HECTD4: variants seen among roughly 807,000 people sequenced by gnomAD.
HECTD4 encodes the protein HECT domain E3 ubiquitin protein ligase 4.
HECTD4 carries 114 observed loss-of-function variants against 471.5 expected under a neutral mutation model. The observed-to-expected ratio is 0.24, with a 90% CI of 0.21 to 0.28. HECTD4 has a LOEUF of 0.28. Among genes scored for constraint, HECTD4 ranks in the 10% least tolerant of loss-of-function variants. The pLI, the probability that HECTD4 is intolerant of heterozygous loss-of-function variation, is 1.00. For synonymous variants in HECTD4, 2,012 were observed against 2,256.0 expected (o/e 0.89, Z 3.07); for missense variants, 3,866 against 5,651.5 (o/e 0.68, Z 10.13).
chr12:112,207,783 T>C (rs1369505115), intron 52 of HECTD4, 91 bp downstream of exon 52: 4 of 1,428,608 alleles, frequency 2.8e-6, no homozygotes, highest in Non-Finnish European at 3.8e-6. Context: ...CAACATTAGA[T>C]GAGTCTCTCC....
chr12:112,362,546 C>T (rs1346189272), intron 1 of HECTD4, among the ~76,000 whole-genome samples: 2 of 152,172 alleles, frequency 1.3e-5, no homozygotes, highest in East Asian at 3.9e-4. Context: ...GAGGAATCTG[C>T]CTACGCATCA....
chr12:112,255,990 G>C (rs1442983516), intron 21 of HECTD4, among the ~76,000 whole-genome samples: 2 of 152,130 alleles, frequency 1.3e-5, no homozygotes, highest in African/African-American at 4.8e-5. Context: ...ACACATCTGG[G>C]GTAACTTCAA....
chr12:112,190,719 C>G (rs2032048324), intron 60 of HECTD4, 67 bp downstream of exon 60: 2 of 1,457,220 alleles, frequency 1.4e-6, no homozygotes, highest in Non-Finnish European at 1.8e-6. Flanking sequence ...TGGCAAGCTC[C>G]TTCCTCAGGC....
At position 112,310,671 on chromosome 12, in the gene HECTD4, C is replaced by G. The variant is rs1485179166; in HGVS notation, c.917-1002G>C. ...GTCTACTAATCTGAGACAACTGGGA[C>G]CTGTACCTATTGGTTCCTCAATGAA... On this transcript the variant is annotated intron_variant, in intron 4 of 75. Transcript: ENST00000682272. 2.6e-5 allele frequency among the ~76,000 whole-genome samples: 4 copies of G among 152,160 alleles called. 1 individual carries two copies. Among genetic ancestry groups the G allele is most frequent in the East Asian group, 3.8e-4 (2 of 5,202 alleles).
At chr12:112,334,200 C>G (rs1427205514) in intron 1 of HECTD4, among the ~76,000 whole-genome samples, 1 of 147,286 alleles carries the variant, frequency 6.8e-6, no homozygotes, top group African/African-American at 2.5e-5. Flanking sequence ...CAGAGCCAGA[C>G]TCCCTCTTAA....
At position 112,184,618 on chromosome 12, in the gene HECTD4, C is replaced by T. The variant is rs1394363955; in HGVS notation, c.10348G>A (p.Gly3450Ser). The T allele has an allele frequency of 1.2e-6, 2 of 1,613,792 alleles. No individual in the cohort carries two copies. Among genetic ancestry groups the T allele is most frequent in the African/African-American group, 1.3e-5 (1 of 74,920 alleles). ...TCGGGCTCAACTTTCCCGTCCCCGCCCTCGGCCTTGTCTTTTGGCTTCTTG... is the reference window on the plus strand; with the variant it reads ...TCGGGCTCAACTTTCCCGTCCCCGCTCTCGGCCTTGTCTTTTGGCTTCTTG... Reference protein sequence around the residue: ...DTKKPKDKAEGGDGKVEPEKT... With the variant: ...DTKKPKDKAESGDGKVEPEKT... Residue 3450 changes from glycine to serine, a missense_variant, in exon 61 of 76, where the codon GGC (glycine) becomes AGC (serine). Around this residue, in one of 16 missense-constraint regions of HECTD4, gnomAD observed 192 missense variants for 189.9 expected, o/e 1.01. Transcript: ENST00000682272. The surrounding 1 kb of genome is among the most constrained non-coding windows in gnomAD (Gnocchi z 9.1).
chr12:112,231,468 A>G (rs1462247355), intron 39 of HECTD4, 45 bp downstream of exon 39: 6 of 1,567,420 alleles, frequency 3.8e-6, no homozygotes, highest in Non-Finnish European at 5.3e-6. Context: ...ATTATAAAGT[A>G]AACCTGAGAT....
At position 112,193,262 on chromosome 12, in the gene HECTD4, C is replaced by T. The variant is rs2135523993; in HGVS notation, c.8956-71G>A. 1.3e-6 allele frequency: 2 copies of T among 1,567,998 alleles called. No individual in the cohort carries two copies. Among genetic ancestry groups the T allele is most frequent in the Non-Finnish European group, 1.7e-6 (2 of 1,152,022 alleles). ...GACAGCATTTCATCTTCTCATCTCA[C>T]ATGGCCCAGGAAATCAGCCAAACGA... is the stretch of plus-strand genomic sequence containing the variant. On this transcript the variant is annotated intron_variant, in intron 57 of 75. Transcript: ENST00000682272. This position sits in a 1 kb window ranked among gnomAD's most constrained non-coding sequence, Gnocchi z 5.2.
chr12:112,200,419 G>T (rs2032386148), intron 55 of HECTD4, among the ~76,000 whole-genome samples: 1 of 152,166 alleles, frequency 6.6e-6, no homozygotes, highest in South Asian at 2.1e-4. Context: ...CTCCCAAAGT[G>T]CTGGGATTAC....
chr12:112,170,318 C>T lies in HECTD4; in HGVS notation c.12052+15G>A, dbSNP rs375911677. 3.5e-5 allele frequency: 57 copies of T among 1,613,192 alleles called. No individual in the cohort carries two copies. In the Admixed American group the frequency reaches 3.7e-4, roughly 10 times the overall value. ...CTGCCATTTTGCATTTTTTGCTCTC[C>T]GCAGCCAACCCCACCTCCCACAATT... On this transcript the variant is annotated intron_variant, in intron 69 of 75. Transcript: ENST00000682272.
chr12:112,279,429 A>G, intron 8 of HECTD4, 43 bp from the exon 9 acceptor site: 1 of 1,531,742 alleles, frequency 6.5e-7, no homozygotes, highest in Non-Finnish European at 8.8e-7. Flanking sequence ...TATTTGACAC[A>G]AAAGTTAATT....
At chr12:112,308,462 A>C (rs540233828) in intron 6 of HECTD4, among the ~76,000 whole-genome samples, 2 of 152,004 alleles carry the variant, frequency 1.3e-5, no homozygotes, top group South Asian at 2.1e-4. Flanking sequence ...ACAAAACAAA[A>C]AAAAAAAACC....
intron 1 of HECTD4, among the ~76,000 whole-genome samples, chr12:112,356,587 C>T (rs1038788169): frequency 6.6e-6 from 1 of 152,054 alleles, no homozygotes; most frequent in Non-Finnish European, 1.5e-5. Context: ...TACAGGCGTG[C>T]ACCACCATGC....
intron 4 of HECTD4, 120 bp downstream of exon 4, chr12:112,312,897 A>G (rs903056727): frequency 4.0e-6 from 3 of 748,212 alleles, no homozygotes. Flanking sequence ...CTGAATAGAA[A>G]TCTGGAGCTC....
At position 112,213,076 on chromosome 12, in the gene HECTD4, G is replaced by A. The variant is rs1008668090; in HGVS notation, c.7466-426C>T. 4.6e-5 allele frequency among the ~76,000 whole-genome samples: 7 copies of A among 152,166 alleles called. No individual in the cohort carries two copies. The highest frequency in any genetic ancestry group is 1.0e-4 in the Non-Finnish European group (7 of 68,044). ...CTCTCAAAGTGCTGGAATTACAGTC[G>A]TGAGCCACCACGCCCAGCCTAAGTT... On this transcript the variant is annotated intron_variant, in intron 48 of 75. Coordinates refer to ENST00000682272, the MANE Select transcript of HECTD4 (RefSeq NM_001388303.1). The surrounding 1 kb of genome is among the most constrained non-coding windows in gnomAD (Gnocchi z 4.0).
chr12:112,263,510 C>G (rs968672048), intron 17 of HECTD4, among the ~76,000 whole-genome samples: 1 of 152,066 alleles, frequency 6.6e-6, no homozygotes, highest in Non-Finnish European at 1.5e-5. Context: ...TATAAATTGT[C>G]ATGTGGGAAC....
chr12:112,294,929 C>A (rs1434740062), intron 7 of HECTD4, among the ~76,000 whole-genome samples: 1 of 152,048 alleles, frequency 6.6e-6, no homozygotes, highest in African/African-American at 2.4e-5. Context: ...ACCAATACTT[C>A]CAGTCTCTTG....
chr12:112,308,458 CA>C (rs540084785), intron 6 of HECTD4, among the ~76,000 whole-genome samples: 146 of 114,184 alleles, frequency 1.3e-3, no homozygotes, highest in African/African-American at 2.8e-3. Flanking sequence ...AAAAACAAAA[CA>C]AAAAAAAAAA....
At chr12:112,222,079 A>T (rs1375614566) in intron 44 of HECTD4, among the ~76,000 whole-genome samples, 1 of 151,940 alleles carries the variant, frequency 6.6e-6, no homozygotes, top group Admixed American at 6.6e-5. Context: ...GCGTGCCACC[A>T]CACCCGGCTA....
Sources: gnomAD v4.1 joint callset for allele counts (sites outside exome capture counted in the v4.1 genomes callset) on GRCh38, gnomAD v4.1.1 for gene constraint, gnomAD v4.1.1 regional missense constraint, Gnocchi (gnomAD v3.1) non-coding constraint, MANE v1.5 for transcripts, NCBI Gene and HGNC (gene_info 2026-07-23, HGNC 2026-07-21) for gene names.